Variants in COQ3 observed in about 807,000 individuals in gnomAD.
COQ3 encodes the protein ubiquinone biosynthesis O-methyltransferase, mitochondrial.
COQ3 carries 29 observed loss-of-function variants against 33.1 expected under a neutral mutation model. The observed-to-expected ratio is 0.88, with a 90% CI of 0.65 to 1.19. COQ3 has a LOEUF of 1.19. Ranked by LOEUF, COQ3 falls within the 50% of genes most tolerant of loss-of-function variation. The pLI is 0.00. For missense variants in COQ3, 437 were observed against 430.7 expected, an observed-to-expected ratio of 1.01 and a Z score of -0.13; for synonymous variants, 173 against 157.8, an observed-to-expected ratio of 1.10 and a Z score of -0.72.
chr6:99,373,344 T>A (rs1315467443), intron 5 of COQ3, among the ~76,000 whole-genome samples: 2 of 151,868 alleles, frequency 1.3e-5, no homozygotes, highest in Non-Finnish European at 2.9e-5. Flanking sequence ...GGTGGGAGGA[T>A]CACTTGAGCC....
chr6:99,380,338 G>A lies in COQ3; in HGVS notation c.237C>T (p.Tyr79=), dbSNP rs1426059895. ...SCLNRIKSFR[Y]PWARLYSTSQ... ...AAGTACTGTACAGTCTCGCCCAAGG[G>A]TACCTAAAAGGTGAAAATGAAGAAC... The change falls in exon 3 of 7, where the codon TAC becomes TAT. Residue 79 remains tyrosine, a synonymous_variant. Transcript: ENST00000254759. The A allele has an allele frequency of 1.2e-6, 2 of 1,613,124 alleles. No individual in the cohort carries two copies. The highest frequency in any genetic ancestry group is 1.7e-6 in the Non-Finnish European group (2 of 1,179,550).
Position 99,394,156 on chromosome 6 carries a change from GC to G in COQ3, c.23del (p.Gly8AlafsTer8). 2 of 1,604,784 alleles carry G rather than the reference GC, an allele frequency of 1.2e-6. No individual in the cohort carries two copies. The highest frequency in any genetic ancestry group is 1.1e-5 in the South Asian group (1 of 90,692). MWSGRKLGSSGGWFLRVL... is the reference protein window; with the variant it reads MWSGRKLXSSGGWFLRVL... Reference sequence around the variant, plus strand: ...CTCTTAAAAACCAACCCCCGGAGGAGCCCAGCTTACGGCCACTCCACATCGC... The same window carrying G: ...CTCTTAAAAACCAACCCCCGGAGGAGCCAGCTTACGGCCACTCCACATCGC... On this transcript the variant is annotated frameshift_variant, in exon 1 of 7. Transcript: ENST00000254759. LOFTEE classifies it high-confidence loss of function.
chr6:99,375,897 C>A (rs771642966), intron 5 of COQ3, 43 bp downstream of exon 5: 2 of 1,605,126 alleles, frequency 1.2e-6, no homozygotes, highest in South Asian at 2.2e-5. Context: ...CAAATACACA[C>A]ACTCAGAAGA....
At chr6:99,371,700 A>C in intron 5 of COQ3, 113 bp from the exon 6 acceptor site, 1 of 704,172 alleles carries the variant, frequency 1.4e-6, no homozygotes, top group East Asian at 2.8e-5. Flanking sequence ...GAGTGCCATT[A>C]AAATATATAT....
At chr6:99,382,400 G>T (rs1181975290) in intron 2 of COQ3, among the ~76,000 whole-genome samples, 1 of 151,998 alleles carries the variant, frequency 6.6e-6, no homozygotes, top group Admixed American at 6.6e-5. Flanking sequence ...TTTTTATTAA[G>T]TTTGTTTTTA....
rs1774269137 is a variant in COQ3 at position 99,375,949 on chromosome 6, T to C, written c.720A>G (p.Gln240=). 3.7e-6 allele frequency: 6 copies of C among 1,613,908 alleles called. 1 individual carries two copies. The highest frequency in any genetic ancestry group is 1.7e-5 in the Admixed American group (1 of 60,010). Residue 240 remains glutamine (Q), a synonymous_variant, in exon 5 of 7, where the codon CAA becomes CAG. Coordinates refer to ENST00000254759, the MANE Select transcript of COQ3 (RefSeq NM_017421.4). ...DLETFLQCCC[Q]VLKPGGSLFI... is the part of the protein sequence containing the mutation. ...ACTCCATAAGCCTTACTTTTAACAC[T>C]TGACAGCAGCACTGTAAAAATGTTT...
intron 4 of COQ3, among the ~76,000 whole-genome samples, chr6:99,376,729 G>C (rs1270123604): frequency 6.6e-6 from 1 of 152,058 alleles, no homozygotes; most frequent in South Asian, 2.1e-4. Context: ...CCAGCACTTT[G>C]GGAGGCAGAG....
At chr6:99,386,830 T>C (rs1774666220) in intron 1 of COQ3, among the ~76,000 whole-genome samples, 1 of 152,176 alleles carries the variant, frequency 6.6e-6, no homozygotes, top group Admixed American at 6.5e-5. Flanking sequence ...CTCGGATGGC[T>C]TCGCTGGTGA....
chr6:99,371,344 G>T, intron 6 of COQ3, 84 bp downstream of exon 6: 1 of 854,584 alleles, frequency 1.2e-6, no homozygotes, highest in Non-Finnish European at 1.8e-6. Flanking sequence ...TTTATTAAGT[G>T]CTAGGCTAAG....
intron 4 of COQ3, among the ~76,000 whole-genome samples, chr6:99,376,994 ATGTGTG>A (rs140372356): frequency 1.4e-4 from 20 of 139,024 alleles, no homozygotes; most frequent in African/African-American, 2.4e-4. Context: ...AATATTATGG[ATGTGTG>A]TGTGTGTGTG....
chr6:99,373,911 G>A (rs1774209028), intron 5 of COQ3, among the ~76,000 whole-genome samples: 1 of 152,122 alleles, frequency 6.6e-6, no homozygotes, highest in Admixed American at 6.5e-5. Context: ...TTGGGAGGCT[G>A]AGATGGGAGC....
intron 2 of COQ3, 26 bp from the exon 3 acceptor site, chr6:99,380,367 G>A: frequency 1.2e-6 from 2 of 1,609,480 alleles, no homozygotes; most frequent in East Asian, 2.2e-5. Flanking sequence ...GAAGAACCAA[G>A]CAAATACTGC....
chr6:99,385,970 C>A (rs1774637334), intron 1 of COQ3, among the ~76,000 whole-genome samples: 2 of 99,376 alleles, frequency 2.0e-5, no homozygotes, highest in African/African-American at 3.9e-5. Context: ...GAGGAAGACT[C>A]TGTCTCAAAA....
At chr6:99,372,439 A>G (rs1774167743) in intron 5 of COQ3, among the ~76,000 whole-genome samples, 1 of 152,006 alleles carries the variant, frequency 6.6e-6, no homozygotes, top group Non-Finnish European at 1.5e-5. Flanking sequence ...TATCTTTGAG[A>G]CACAGTCTTG....
At position 99,383,687 on chromosome 6, in the gene COQ3, A is replaced by G; in HGVS notation, c.233+11T>C. ...TTACGTGAATATTTGCCACAGTAAT[A>G]ATAAACCCACCTGAAACTCTTTATT... On this transcript the variant is annotated intron_variant, in intron 2 of 6. Transcript: ENST00000254759. 1 of 1,561,134 alleles carries G rather than the reference A, an allele frequency of 6.4e-7. No homozygotes were observed. Among genetic ancestry groups the G allele is most frequent in the Non-Finnish European group, 8.6e-7 (1 of 1,159,682 alleles).
At chr6:99,377,250 T>C in intron 4 of COQ3, 136 bp downstream of exon 4, 1 of 700,350 alleles carries the variant, frequency 1.4e-6, no homozygotes. Flanking sequence ...CCTCAGGTGA[T>C]CCACCCACCC....
At chr6:99,392,251 G>C (rs771487473) in intron 1 of COQ3, among the ~76,000 whole-genome samples, 1 of 152,156 alleles carries the variant, frequency 6.6e-6, no homozygotes, top group African/African-American at 2.4e-5. Context: ...ACAGGTGACA[G>C]ACTTTTACCC....
In COQ3 at chr6:99,371,541, G is replaced by GAA; in HGVS notation, c.774_775dup (p.Ser259PhefsTer33). ...TGAAAAAACAATTCCCAAGGCATAGGAAAGTTGTGTTTTGTTGATTGTAGT... is the reference window on the plus strand; with the variant it reads ...TGAAAAAACAATTCCCAAGGCATAGGAAAAAGTTGTGTTTTGTTGATTGTAGT... On this transcript the variant is annotated frameshift_variant, in exon 6 of 7. Coordinates refer to ENST00000254759, the MANE Select transcript of COQ3 (RefSeq NM_017421.4). LOFTEE classifies it high-confidence loss of function. 1 of 1,607,032 alleles carries GAA rather than the reference G, an allele frequency of 6.2e-7. No homozygotes were observed. The highest frequency in any genetic ancestry group is 8.5e-7 in the Non-Finnish European group (1 of 1,176,636).
At chr6:99,385,976 C>CAAAAAAAAAAAAAAAA (rs61403627) in intron 1 of COQ3, among the ~76,000 whole-genome samples, 10 of 97,678 alleles carry the variant, frequency 1.0e-4, no homozygotes, top group South Asian at 3.6e-4. Context: ...GACTCTGTCT[C>CAAAAAAAAAAAAAAAA]AAAAAAAAAA....
Sources: gnomAD v4.1 joint callset for allele counts (sites outside exome capture counted in the v4.1 genomes callset) on GRCh38, gnomAD v4.1.1 for gene constraint, MANE v1.5 for transcripts, NCBI Gene and HGNC (gene_info 2026-07-23, HGNC 2026-07-21) for gene names.